PPM1L: variants seen among roughly 807,000 people sequenced by gnomAD.
PPM1L encodes protein phosphatase 1L.
In PPM1L, 13 loss-of-function variants were observed where a neutral mutation model predicts 31.4. That is an observed-to-expected ratio of 0.41 (90% CI 0.27 to 0.66). The LOEUF is 0.66. Ranked by LOEUF, PPM1L falls within the 30% of genes least tolerant of loss-of-function variation. PPM1L has a pLI of 0.29. For missense variants in PPM1L, 326 were observed against 453.7 expected (o/e 0.72, Z 2.56); for synonymous variants, 184 against 175.4 (o/e 1.05, Z -0.39).
intron 1 of PPM1L, among the ~76,000 whole-genome samples, chr3:160,835,243 A>G (rs1286068639): frequency 7.1e-6 from 1 of 141,370 alleles, no homozygotes; most frequent in African/African-American, 2.7e-5. Context: ...TGTTTTAGAC[A>G]TGGATTTGCC....
chr3:161,012,590 A>C (rs1405571497), intron 2 of PPM1L, among the ~76,000 whole-genome samples: 1 of 151,838 alleles, frequency 6.6e-6, no homozygotes, highest in Non-Finnish European at 1.5e-5. Flanking sequence ...TTCAGAAGGA[A>C]TGGTACCAGT....
chr3:160,953,201 A>G, intron 1 of PPM1L, among the ~76,000 whole-genome samples: 1 of 152,192 alleles, frequency 6.6e-6, no homozygotes, highest in East Asian at 1.9e-4. Flanking sequence ...TGATAAATCC[A>G]TTTCTTGGTT....
intron 1 of PPM1L, among the ~76,000 whole-genome samples, chr3:160,941,401 C>G (rs1053647610): frequency 7.9e-5 from 12 of 152,130 alleles, no homozygotes; most frequent in Non-Finnish European, 1.5e-4. Context: ...ACCCAAATCT[C>G]AACTTGAATT....
At chr3:160,888,044 G>A (rs746659074) in intron 1 of PPM1L, among the ~76,000 whole-genome samples, 8 of 152,102 alleles carry the variant, frequency 5.3e-5, no homozygotes, top group African/African-American at 7.2e-5. Flanking sequence ...CACTAAATAC[G>A]AAAAGGAAAA....
At chr3:160,885,423 G>A (rs1385384660) in intron 1 of PPM1L, among the ~76,000 whole-genome samples, 1 of 152,184 alleles carries the variant, frequency 6.6e-6, no homozygotes, top group Non-Finnish European at 1.5e-5. Context: ...CATGAGGGGG[G>A]CAAGGCCAAG....
intron 1 of PPM1L, among the ~76,000 whole-genome samples, chr3:160,892,688 C>T (rs377083331): frequency 1.1e-3 from 169 of 151,982 alleles, no homozygotes; most frequent in African/African-American, 3.4e-3. Flanking sequence ...AAAAGAAATA[C>T]GTTATTTGGC....
intron 1 of PPM1L, among the ~76,000 whole-genome samples, chr3:160,945,593 GA>G (rs1324859664): frequency 6.6e-6 from 1 of 152,124 alleles, no homozygotes; most frequent in African/African-American, 2.4e-5. Flanking sequence ...GACTTGTGCA[GA>G]TGGTTGCCTT....
intron 2 of PPM1L, among the ~76,000 whole-genome samples, chr3:160,972,735 A>G (rs1019757355): frequency 2.0e-5 from 3 of 152,144 alleles, no homozygotes; most frequent in Non-Finnish European, 1.5e-5. Context: ...TGGCTGGGTC[A>G]AATGGTATTT....
At chr3:160,786,464 T>A (rs993446517) in intron 1 of PPM1L, among the ~76,000 whole-genome samples, 4 of 151,522 alleles carry the variant, frequency 2.6e-5, no homozygotes, top group Admixed American at 2.0e-4. Flanking sequence ...GTTATCCACC[T>A]GCCTCTGCCT....
chr3:160,792,423 G>C (rs1457018882), intron 1 of PPM1L, among the ~76,000 whole-genome samples: 1 of 152,086 alleles, frequency 6.6e-6, no homozygotes, highest in African/African-American at 2.4e-5. Context: ...TTTAATTTTA[G>C]AATGGTTTTA....
chr3:161,042,996 G>T (rs1454254345), intron 2 of PPM1L, among the ~76,000 whole-genome samples: 4 of 149,744 alleles, frequency 2.7e-5, no homozygotes, highest in Non-Finnish European at 4.4e-5. Context: ...CTCCAGCCTG[G>T]CCAACAGAGT....
rs1412181122 is a variant in PPM1L at position 161,076,949 on chromosome 3, T to C, written c.*7792T>C. 6.6e-6 allele frequency: 1 copy of C among 152,208 alleles called. No homozygotes were observed. The highest frequency in any genetic ancestry group is 1.5e-5 in the Non-Finnish European group (1 of 68,034). 9.4% of individuals were successfully genotyped at this position (152,208 alleles called of 1,614,324 possible). The stretch of plus-strand genomic sequence containing the variant: ...ATTGGGAAAGTCACTATTATTGCTG[T>C]GTGTTTGTATATTTTATTCTTTCCT... On this transcript the variant is annotated 3_prime_UTR_variant, in exon 4 of 4. Coordinates refer to ENST00000498165, the MANE Select transcript of PPM1L (RefSeq NM_139245.4).
intron 1 of PPM1L, among the ~76,000 whole-genome samples, chr3:160,783,802 T>A (rs1368412584): frequency 6.6e-6 from 1 of 152,114 alleles, no homozygotes; most frequent in East Asian, 1.9e-4. Context: ...GTGTCCTGAG[T>A]TTCCCAAAGT....
intron 2 of PPM1L, among the ~76,000 whole-genome samples, chr3:161,053,062 A>G (rs1200474964): frequency 6.6e-6 from 1 of 152,264 alleles, no homozygotes. Flanking sequence ...AACTCACTGA[A>G]GAATCCTCAA....
At chr3:160,942,143 G>GT (rs2108088170) in intron 1 of PPM1L, among the ~76,000 whole-genome samples, 1 of 152,356 alleles carries the variant, frequency 6.6e-6, no homozygotes, top group East Asian at 1.9e-4. Flanking sequence ...ACATGTAGAA[G>GT]TTTAAGATTA....
intron 1 of PPM1L, among the ~76,000 whole-genome samples, chr3:160,778,081 T>C (rs966900697): frequency 3.9e-5 from 6 of 152,168 alleles, no homozygotes; most frequent in African/African-American, 1.4e-4. Flanking sequence ...GATATCTCAT[T>C]GTGGTTTTGA....
chr3:160,820,624 T>G (rs2108090581), intron 1 of PPM1L, among the ~76,000 whole-genome samples: 2 of 152,202 alleles, frequency 1.3e-5, no homozygotes, highest in South Asian at 4.1e-4. Flanking sequence ...GGTCTTAAAC[T>G]TCATGTAAAT....
chr3:160,863,191 C>T (rs1711965853), intron 1 of PPM1L, among the ~76,000 whole-genome samples: 1 of 152,182 alleles, frequency 6.6e-6, no homozygotes, highest in African/African-American at 2.4e-5. Context: ...TAAAATACCA[C>T]ATTAAACTAG....
intron 1 of PPM1L, among the ~76,000 whole-genome samples, chr3:160,920,867 C>T (rs1309030316): frequency 2.6e-5 from 4 of 152,006 alleles, no homozygotes; most frequent in Non-Finnish European, 4.4e-5. Flanking sequence ...CCCCTGGCAG[C>T]TAAGAAGGTA....
Sources: gnomAD v4.1 joint callset for allele counts (sites outside exome capture counted in the v4.1 genomes callset) on GRCh38, gnomAD v4.1.1 for gene constraint, MANE v1.5 for transcripts, NCBI Gene and HGNC (gene_info 2026-07-23, HGNC 2026-07-21) for gene names.